AQR: variants seen among roughly 807,000 people sequenced by gnomAD.
AQR encodes the protein aquarius intron-binding spliceosomal factor, also known as RNA helicase aquarius.
A neutral mutation model predicts 180.5 loss-of-function variants in AQR; 61 were observed. The observed-to-expected ratio is 0.34, with a 90% CI of 0.28 to 0.42. AQR has a LOEUF of 0.42. Ranked by LOEUF, AQR falls within the 10% of genes least tolerant of loss-of-function variation. The probability of loss-of-function intolerance (pLI) is 1.00; values close to 1 mark genes in which losing one functional copy is unlikely to be tolerated. For synonymous variants in AQR, 551 were observed against 588.8 expected, an observed-to-expected ratio of 0.94 and a Z score of 0.93; for missense variants, 1,281 against 1,798.3, an observed-to-expected ratio of 0.71 and a Z score of 5.20.
rs760959479 is a variant in AQR, at chr15:34,906,537, C to T, written c.1831+8G>A. On this transcript the variant is annotated splice_region_variant and intron_variant, in intron 18 of 34. Coordinates refer to ENST00000156471, the MANE Select transcript of AQR (RefSeq NM_014691.3). ...CACATACTCTTTCAAAAATATAGGT[C>T]ACCATACCATCTTCAATGACACGTC... 6.2e-6 allele frequency: 10 copies of T among 1,613,258 alleles called. No homozygotes were observed. The Admixed American group carries it at 1.5e-4, about 24-fold the overall frequency.
At chr15:34,867,921 T>C (rs964839803) in intron 31 of AQR, 3 of 231,010 alleles carry the variant, frequency 1.3e-5, no homozygotes, top group South Asian at 1.5e-4. Flanking sequence ...GCAGAGACTA[T>C]GTCTAGCTTA....
At chr15:34,902,802 G>A (rs781321575) in intron 19 of AQR, among the ~76,000 whole-genome samples, 1 of 152,058 alleles carries the variant, frequency 6.6e-6, no homozygotes, top group Non-Finnish European at 1.5e-5. Context: ...TCCATCCTTC[G>A]ATCACTCAAT....
At chr15:34,867,025 G>T (rs538498075) in intron 32 of AQR, among the ~76,000 whole-genome samples, 1 of 151,988 alleles carries the variant, frequency 6.6e-6, no homozygotes, top group African/African-American at 2.4e-5. Flanking sequence ...TATTATTTCC[G>T]TAAATCTCTA....
At chr15:34,906,428 G>T in intron 18 of AQR, 117 bp downstream of exon 18, 1 of 1,221,242 alleles carries the variant, frequency 8.2e-7, no homozygotes, top group Non-Finnish European at 1.1e-6. Flanking sequence ...AAAATCCTTT[G>T]TGTCAATTTA....
At chr15:34,880,535 CAAAA>C (rs1300977854) in intron 27 of AQR, among the ~76,000 whole-genome samples, 2 of 151,610 alleles carry the variant, frequency 1.3e-5, no homozygotes, top group Non-Finnish European at 2.9e-5. Flanking sequence ...ACTAAACAAA[CAAAA>C]AAGGCGAAAA....
chr15:34,954,770 C>T (rs1894281895), intron 3 of AQR, among the ~76,000 whole-genome samples: 1 of 151,926 alleles, frequency 6.6e-6, no homozygotes, highest in African/African-American at 2.4e-5. Flanking sequence ...TGAAAGTGTA[C>T]TTGTAAGATT....
intron 22 of AQR, among the ~76,000 whole-genome samples, chr15:34,896,151 C>T (rs1017352644): frequency 6.6e-6 from 1 of 152,204 alleles, no homozygotes; most frequent in Non-Finnish European, 1.5e-5. Flanking sequence ...AGAGAGGAAG[C>T]ATTTTCGGCT....
intron 2 of AQR, among the ~76,000 whole-genome samples, chr15:34,961,697 T>G: frequency 7.2e-6 from 1 of 139,778 alleles, no homozygotes; most frequent in African/African-American, 2.6e-5. Context: ...GAACTCAGAC[T>G]CTCGAATTGG....
In AQR at chr15:34,906,697, T is replaced by A. The variant is rs1893424753; in HGVS notation, c.1679A>T (p.Asp560Val). Residue 560 changes from aspartate to valine, a missense_variant, in exon 18 of 35, where the codon GAT becomes GTT. By Grantham distance (152) the Asp-to-Val change is radical (BLOSUM62 -3). Transcript: ENST00000156471. ...ACGTACGGTAATTAAAAAGCATACATCATGCTTACGAAGACCTGGTAAGAT... is the reference window on the plus strand; with the variant it reads ...ACGTACGGTAATTAAAAAGCATACAACATGCTTACGAAGACCTGGTAAGAT... ...KDEWEGLRKHDVCFLITVRPT... is the reference protein window; with the variant it reads ...KDEWEGLRKHVVCFLITVRPT... 1 of 1,613,446 alleles carries A rather than the reference T, an allele frequency of 6.2e-7. No individual in the cohort carries two copies. The highest frequency in any genetic ancestry group is 8.5e-7 in the Non-Finnish European group (1 of 1,179,708).
Position 34,915,159 on chromosome 15 carries a change from A to G in AQR, c.1363T>C (p.Leu455=). The G allele has an allele frequency of 1.3e-6, 2 of 1,599,546 alleles. No homozygotes were observed. Among genetic ancestry groups the G allele is most frequent in the Non-Finnish European group, 1.7e-6 (2 of 1,176,118 alleles). The part of the protein sequence containing the change: ...SGEGCLALPK[L]NLQFLTLHDY... ...TGAAGAGTCAAAAACTGCAAATTCA[A>G]TTTGGGAAGAGCAAGACAACCTGAA... The change falls in exon 16 of 35, where the codon TTG becomes CTG. Residue 455 remains leucine (L), a synonymous_variant. Transcript: ENST00000156471.
Position 34,874,153 on chromosome 15 carries a change from T to C in AQR, c.3426-154A>G, listed in dbSNP as rs1892860225. ...TTAAGCAATAATGCTCTTTCAACCT[T>C]AGCTTCCCTACTTCAAGTAACCAAG... On this transcript the variant is annotated intron_variant, in intron 29 of 34. Transcript: ENST00000156471. 1.6e-5 allele frequency: 11 copies of C among 681,306 alleles called. No homozygotes were observed. The East Asian group carries it at 3.5e-4, about 21-fold the overall frequency. The allele number at this position is 681,306 out of a possible 1,614,324, so 42.2% of individuals were successfully genotyped here. A position where few individuals can be genotyped will look rare whatever the true frequency, so the allele number is the denominator to read the frequency against.
Position 34,944,412 on chromosome 15 carries a change from G to C in AQR, c.347C>G (p.Pro116Arg), listed in dbSNP as rs1228399427. The change falls in exon 6 of 35, where the codon CCA becomes CGA. Residue 116 changes from proline (P) to arginine (R), a missense_variant. This residue lies in a region of AQR where 404 missense variants were observed against 490.9 expected (regional missense o/e 0.82). Transcript: ENST00000156471. ...VPAWEIFKKK[P>R]DHFPFFFKHI... ...TTTAAAAAAGAATGGGAAGTGGTCT[G>C]GCTTCTTCTTAAAAATCTGAAAAGA... 6.3e-7 allele frequency: 1 copy of C among 1,594,176 alleles called. No homozygotes were observed. The highest frequency in any genetic ancestry group is 1.8e-5 in the Admixed American group (1 of 54,392).
At chr15:34,909,902 A>C (rs1311761531) in intron 17 of AQR, among the ~76,000 whole-genome samples, 1 of 152,222 alleles carries the variant, frequency 6.6e-6, no homozygotes, top group East Asian at 1.9e-4. Context: ...ATATGTATGC[A>C]ATTTTATACT....
chr15:34,866,131 C>T lies in AQR; in HGVS notation c.3854+1393G>A, dbSNP rs561546806. Reference sequence around the variant, plus strand: ...TTGGTATCCTGAAACAGAAATAGTTCCTTGCCTATATATAAAAGGAAGGAT... The same window carrying T: ...TTGGTATCCTGAAACAGAAATAGTTTCTTGCCTATATATAAAAGGAAGGAT... On this transcript the variant is annotated intron_variant, in intron 32 of 34. Transcript: ENST00000156471. 5.9e-5 allele frequency among the ~76,000 whole-genome samples: 9 copies of T among 152,088 alleles called. No individual in the cohort carries two copies. In the South Asian group the frequency reaches 8.3e-4, roughly 14 times the overall value.
intron 24 of AQR, 34 bp from the exon 25 acceptor site, chr15:34,886,695 G>A (rs1204274010): frequency 1.9e-6 from 3 of 1,572,500 alleles, no homozygotes; most frequent in African/African-American, 2.8e-5. Flanking sequence ...TGACAAAACT[G>A]TAATAAAGAG....
intron 4 of AQR, among the ~76,000 whole-genome samples, chr15:34,951,699 T>C (rs1442793424): frequency 4.6e-5 from 7 of 152,016 alleles, no homozygotes; most frequent in African/African-American, 1.7e-4. Context: ...TTCACTGTCA[T>C]TGATGCTTTC....
At chr15:34,929,458 T>C (rs993605939) in intron 12 of AQR, among the ~76,000 whole-genome samples, 6 of 152,214 alleles carry the variant, frequency 3.9e-5, no homozygotes, top group Non-Finnish European at 8.8e-5. Context: ...CCTTTCCCCA[T>C]TGCTTGTTTT....
At chr15:34,858,628 GC>G (rs1346408341) in intron 34 of AQR, among the ~76,000 whole-genome samples, 40 of 152,126 alleles carry the variant, frequency 2.6e-4, no homozygotes, top group Non-Finnish European at 5.3e-4. Flanking sequence ...AACTGGGATA[GC>G]TAAGACAATT....
chr15:34,887,808 G>C (rs1168205615), intron 24 of AQR, among the ~76,000 whole-genome samples: 1 of 152,176 alleles, frequency 6.6e-6, no homozygotes, highest in Non-Finnish European at 1.5e-5. Flanking sequence ...GAACAAAAAA[G>C]AGATCTAAAA....
Sources: gnomAD v4.1 joint callset for allele counts (sites outside exome capture counted in the v4.1 genomes callset) on GRCh38, gnomAD v4.1.1 for gene constraint, gnomAD v4.1.1 regional missense constraint, MANE v1.5 for transcripts, NCBI Gene and HGNC (gene_info 2026-07-23, HGNC 2026-07-21) for gene names.